Variants in KCTD8 observed in about 807,000 individuals in gnomAD.
KCTD8 encodes the protein potassium channel tetramerization domain containing 8.
In KCTD8, 27 loss-of-function variants were observed where a neutral mutation model predicts 31.5. The observed-to-expected ratio is 0.86, with a 90% CI of 0.63 to 1.18. KCTD8 has a LOEUF of 1.18. KCTD8 is among the 50% of genes most tolerant of loss of function. The pLI is 0.00. For missense variants in KCTD8, 658 were observed against 647.7 expected (o/e 1.02, Z -0.17); for synonymous variants, 290 against 280.0 (o/e 1.04, Z -0.36).
At chr4:44,377,368 T>C (rs1719942095) in intron 1 of KCTD8, among the ~76,000 whole-genome samples, 2 of 152,176 alleles carry the variant, frequency 1.3e-5, no homozygotes, top group Non-Finnish European at 2.9e-5. Context: ...ATCTTAGGTC[T>C]AAGAGAAAGC....
intron 1 of KCTD8, among the ~76,000 whole-genome samples, chr4:44,428,870 T>C (rs1233052068): frequency 5.3e-5 from 8 of 151,782 alleles, no homozygotes; most frequent in Non-Finnish European, 8.8e-5. Flanking sequence ...AATTTAGACA[T>C]ATTAAACCAA....
At chr4:44,241,481 T>C (rs1321646182) in intron 1 of KCTD8, among the ~76,000 whole-genome samples, 1 of 152,220 alleles carries the variant, frequency 6.6e-6, no homozygotes, top group Non-Finnish European at 1.5e-5. Context: ...AAGTGTTGAA[T>C]AGGGTAATTA....
chr4:44,247,404 A>AC (rs1715697004), intron 1 of KCTD8, among the ~76,000 whole-genome samples: 2 of 151,080 alleles, frequency 1.3e-5, no homozygotes. Context: ...CTGTTCATTC[A>AC]CCCCCCTAAA....
At chr4:44,195,468 GT>G in intron 1 of KCTD8, among the ~76,000 whole-genome samples, 1 of 152,118 alleles carries the variant, frequency 6.6e-6, no homozygotes, top group Admixed American at 6.5e-5. Context: ...AAACTGTAAG[GT>G]TAAGAGGAAA....
At position 44,174,478 on chromosome 4, in the gene KCTD8, C is replaced by A. The variant is rs535342070; in HGVS notation, c.*312G>T. 142 of 220,958 alleles carry A rather than the reference C, an allele frequency of 6.4e-4. 2 individuals are homozygous for A. Among genetic ancestry groups the A allele is most frequent in the Middle Eastern group, 1.6e-3 (1 of 642 alleles). 13.7% of individuals were successfully genotyped at this position (220,958 alleles called of 1,614,324 possible). On this transcript the variant is annotated 3_prime_UTR_variant, in exon 2 of 2. Coordinates refer to ENST00000360029, the MANE Select transcript of KCTD8 (RefSeq NM_198353.3). ...GTAAGTTACAAAATGACAAACATAT[C>A]CAGTTGACCAGAGTTCAAAAACCAA...
At chr4:44,339,023 A>C (rs921684622) in intron 1 of KCTD8, among the ~76,000 whole-genome samples, 2 of 152,198 alleles carry the variant, frequency 1.3e-5, no homozygotes, top group African/African-American at 4.8e-5. Context: ...ATATACTCAC[A>C]AGAGCTGTCT....
At chr4:44,359,074 A>G (rs1464258526) in intron 1 of KCTD8, among the ~76,000 whole-genome samples, 1 of 152,090 alleles carries the variant, frequency 6.6e-6, no homozygotes. Context: ...CTTTTGTCAG[A>G]TGGATAGATG....
chr4:44,401,528 G>T (rs1720663062), intron 1 of KCTD8, among the ~76,000 whole-genome samples: 1 of 152,082 alleles, frequency 6.6e-6, no homozygotes, highest in African/African-American at 2.4e-5. Flanking sequence ...CATAGTAAGG[G>T]TATAACTAAT....
intron 1 of KCTD8, among the ~76,000 whole-genome samples, chr4:44,387,632 A>G (rs1720258453): frequency 6.6e-6 from 1 of 152,024 alleles, no homozygotes; most frequent in Admixed American, 6.6e-5. Context: ...AGGATTCCCT[A>G]TTTAATAAAT....
intron 1 of KCTD8, among the ~76,000 whole-genome samples, chr4:44,281,246 A>T (rs1193164442): frequency 6.6e-6 from 1 of 152,122 alleles, no homozygotes; most frequent in Non-Finnish European, 1.5e-5. Context: ...AATAATGCTG[A>T]TCACATTCAC....
Position 44,232,052 on chromosome 4 carries a change from G to A in KCTD8, c.962-56802C>T, listed in dbSNP as rs1715133168. Among the ~76,000 whole-genome samples, 2 of 152,060 alleles carry A rather than the reference G, an allele frequency of 1.3e-5. 1 individual carries two copies. Among genetic ancestry groups the A allele is most frequent in the South Asian group, 4.2e-4 (2 of 4,818 alleles). On this transcript the variant is annotated intron_variant, in intron 1 of 1. Transcript: ENST00000360029. ...ATATGGCAGAAAGATTTGGGCAGAA[G>A]GGATGTTTGATAATATGCAAATTTC...
At chr4:44,293,523 A>G (rs1304955166) in intron 1 of KCTD8, 1 of 431,516 alleles carries the variant, frequency 2.3e-6, no homozygotes, top group Non-Finnish European at 4.6e-6. Context: ...TAGAAGCAGC[A>G]CACAGAGGAC....
intron 1 of KCTD8, among the ~76,000 whole-genome samples, chr4:44,413,664 C>T (rs1408451110): frequency 2.0e-5 from 3 of 152,104 alleles, no homozygotes; most frequent in Admixed American, 2.0e-4. Context: ...AACAGTATTA[C>T]TATATCCAAA....
intron 1 of KCTD8, among the ~76,000 whole-genome samples, chr4:44,285,115 T>C (rs747685822): frequency 6.6e-6 from 1 of 152,124 alleles, no homozygotes; most frequent in Non-Finnish European, 1.5e-5. Flanking sequence ...AGCAATCCCA[T>C]TACTGGGCAT....
intron 1 of KCTD8, among the ~76,000 whole-genome samples, chr4:44,365,576 G>C (rs1339285211): frequency 2.6e-5 from 4 of 152,138 alleles, no homozygotes; most frequent in Non-Finnish European, 5.9e-5. Context: ...GGTATCACCT[G>C]TAACCTTTTC....
At chr4:44,207,231 A>G (rs1714340500) in intron 1 of KCTD8, among the ~76,000 whole-genome samples, 1 of 152,344 alleles carries the variant, frequency 6.6e-6, no homozygotes, top group East Asian at 1.9e-4. Flanking sequence ...TGTAAAATAA[A>G]TTAAAGCTCC....
chr4:44,324,474 ACTT>A (rs1718392805), intron 1 of KCTD8, among the ~76,000 whole-genome samples: 1 of 152,076 alleles, frequency 6.6e-6, no homozygotes, highest in African/African-American at 2.4e-5. Context: ...TGATGCATTT[ACTT>A]CACAGTTTAA....
chr4:44,262,445 T>C (rs906046818), intron 1 of KCTD8, among the ~76,000 whole-genome samples: 3 of 151,792 alleles, frequency 2.0e-5, no homozygotes, highest in Non-Finnish European at 4.4e-5. Flanking sequence ...GAAAAGGCAA[T>C]AAAAGACATT....
At chr4:44,214,949 T>C (rs1355643817) in intron 1 of KCTD8, among the ~76,000 whole-genome samples, 1 of 152,188 alleles carries the variant, frequency 6.6e-6, no homozygotes, top group Non-Finnish European at 1.5e-5. Context: ...TGAGATATTT[T>C]GCAGACTCTA....
Sources: gnomAD v4.1 joint callset for allele counts (sites outside exome capture counted in the v4.1 genomes callset) on GRCh38, gnomAD v4.1.1 for gene constraint, MANE v1.5 for transcripts, NCBI Gene and HGNC (gene_info 2026-07-23, HGNC 2026-07-21) for gene names.